CDH12: variants seen among roughly 807,000 people sequenced by gnomAD.
The protein encoded by CDH12 is cadherin 12.
CDH12 carries 41 observed loss-of-function variants against 74.1 expected under a neutral mutation model. That is an observed-to-expected ratio of 0.55 (90% CI 0.43 to 0.72). CDH12 has a LOEUF of 0.72. Among genes scored for constraint, CDH12 ranks in the 30% least tolerant of loss-of-function variants. CDH12 has a pLI of 0.00. For synonymous variants in CDH12, 399 were observed against 355.0 expected (o/e 1.12, Z -1.39); for missense variants, 945 against 977.2 (o/e 0.97, Z 0.44).
At chr5:22,532,367 ATATATATATATG>A (rs374781869) in intron 1 of CDH12, among the ~76,000 whole-genome samples, 1,185 of 83,398 alleles carry the variant, frequency 0.014, 108 homozygotes, top group African/African-American at 0.043. Context: ...ATATATATAT[ATATATATATATG>A]TATGTATCCT....
At chr5:22,630,274 T>C (rs1464657341) in intron 1 of CDH12, among the ~76,000 whole-genome samples, 3 of 152,094 alleles carry the variant, frequency 2.0e-5, no homozygotes, top group African/African-American at 4.8e-5. Flanking sequence ...CTAAAATTCA[T>C]ATGGAACCAA....
chr5:21,871,558 C>A (rs1357627224), intron 6 of CDH12, among the ~76,000 whole-genome samples: 3 of 151,972 alleles, frequency 2.0e-5, no homozygotes, highest in Non-Finnish European at 4.4e-5. Context: ...CATGGAGAAA[C>A]CCCTCTCTAC....
At chr5:22,355,049 G>A (rs1740503978) in intron 3 of CDH12, among the ~76,000 whole-genome samples, 1 of 152,078 alleles carries the variant, frequency 6.6e-6, no homozygotes, top group South Asian at 2.1e-4. Flanking sequence ...CACAAAGCAT[G>A]CTGTTTATCA....
intron 1 of CDH12, among the ~76,000 whole-genome samples, chr5:22,715,988 T>A (rs1021084495): frequency 1.3e-5 from 2 of 151,516 alleles, no homozygotes; most frequent in Admixed American, 1.3e-4. Flanking sequence ...AATACAAAAA[T>A]TAGCCGAGTG....
intron 3 of CDH12, among the ~76,000 whole-genome samples, chr5:22,385,962 G>A (rs942636564): frequency 7.0e-6 from 1 of 143,722 alleles, no homozygotes; most frequent in Non-Finnish European, 1.5e-5. Flanking sequence ...GCACAATCTC[G>A]GCTGACCACA....
chr5:22,487,383 C>T (rs528283221), intron 2 of CDH12, among the ~76,000 whole-genome samples: 2 of 152,140 alleles, frequency 1.3e-5, no homozygotes, highest in Admixed American at 1.3e-4. Context: ...AGGTAAAAAA[C>T]AGGGATAAAA....
At chr5:22,453,616 G>A (rs1201150023) in intron 2 of CDH12, among the ~76,000 whole-genome samples, 1 of 152,056 alleles carries the variant, frequency 6.6e-6, no homozygotes, top group Non-Finnish European at 1.5e-5. Context: ...TTGGTTAATA[G>A]GTACAAAGTT....
At chr5:22,232,293 T>C (rs1023808735) in intron 3 of CDH12, among the ~76,000 whole-genome samples, 4 of 151,908 alleles carry the variant, frequency 2.6e-5, no homozygotes, top group African/African-American at 9.7e-5. Flanking sequence ...TGTAACAATA[T>C]GATTTTTTTA....
chr5:22,461,011 G>A (rs765825301), intron 2 of CDH12, among the ~76,000 whole-genome samples: 9 of 146,014 alleles, frequency 6.2e-5, no homozygotes, highest in East Asian at 4.0e-4. Context: ...GTGAGCCACC[G>A]CGCCAGGCCA....
At chr5:21,888,115 CA>C (rs1242367403) in intron 6 of CDH12, among the ~76,000 whole-genome samples, 1 of 151,982 alleles carries the variant, frequency 6.6e-6, no homozygotes, top group Admixed American at 6.6e-5. Flanking sequence ...AACATGCAGG[CA>C]AAAAATTTGG....
chr5:22,837,055 T>C (rs1736856807), intron 1 of CDH12, among the ~76,000 whole-genome samples: 1 of 152,164 alleles, frequency 6.6e-6, no homozygotes, highest in Non-Finnish European at 1.5e-5. Flanking sequence ...ATTGATTTAG[T>C]GACCTAATAT....
intron 1 of CDH12, among the ~76,000 whole-genome samples, chr5:22,722,239 G>C (rs1580927049): frequency 6.6e-6 from 1 of 152,296 alleles, no homozygotes; most frequent in South Asian, 2.1e-4. Flanking sequence ...CAAGCATATT[G>C]CCTGGCATGC....
chr5:22,762,204 T>G (rs1215902536), intron 1 of CDH12, among the ~76,000 whole-genome samples: 2 of 152,078 alleles, frequency 1.3e-5, no homozygotes, highest in Non-Finnish European at 2.9e-5. Context: ...ATATTTGACC[T>G]AAATTATTCC....
At chr5:22,224,611 T>C (rs370689841) in intron 3 of CDH12, among the ~76,000 whole-genome samples, 1 of 152,066 alleles carries the variant, frequency 6.6e-6, no homozygotes, top group East Asian at 1.9e-4. Flanking sequence ...ATATGTAACA[T>C]CTTTCTTTGT....
chr5:21,994,169 G>T (rs1229526291), intron 5 of CDH12, among the ~76,000 whole-genome samples: 1 of 151,804 alleles, frequency 6.6e-6, no homozygotes, highest in East Asian at 1.9e-4. Context: ...ATCATGGGCA[G>T]CTTTTTAGAA....
chr5:22,487,644 A>G (rs1580699013), intron 2 of CDH12, among the ~76,000 whole-genome samples: 1 of 152,196 alleles, frequency 6.6e-6, no homozygotes, highest in African/African-American at 2.4e-5. Flanking sequence ...TCAATATATA[A>G]ATTAGAGATG....
intron 1 of CDH12, among the ~76,000 whole-genome samples, chr5:22,658,074 T>C (rs1740145632): frequency 6.6e-6 from 1 of 152,182 alleles, no homozygotes; most frequent in Non-Finnish European, 1.5e-5. Flanking sequence ...AGTATTTCAG[T>C]GTAGTGATAG....
intron 1 of CDH12, among the ~76,000 whole-genome samples, chr5:22,505,842 T>C (rs1580715599): frequency 6.6e-6 from 1 of 152,282 alleles, no homozygotes; most frequent in East Asian, 1.9e-4. Context: ...TTGGCTGATG[T>C]ATTTCTCATG....
chr5:22,387,489 G>T (rs1182575761), intron 3 of CDH12, among the ~76,000 whole-genome samples: 1 of 152,088 alleles, frequency 6.6e-6, no homozygotes, highest in Non-Finnish European at 1.5e-5. Context: ...GGCTTTGACT[G>T]AAAACAGGTC....
Sources: allele counts gnomAD v4.1 joint callset (sites outside exome capture counted in the v4.1 genomes callset), GRCh38; gene constraint gnomAD v4.1.1; transcripts MANE v1.5; gene names NCBI Gene and HGNC (gene_info 2026-07-23, HGNC 2026-07-21).